Variants in ADARB1 observed in about 807,000 individuals in gnomAD.
The protein encoded by ADARB1 is double-stranded RNA-specific editase 1.
Under a neutral mutation model 52.4 loss-of-function variants are expected in ADARB1, and 10 were observed. The observed-to-expected ratio is 0.19, with a 90% CI of 0.12 to 0.32. The LOEUF (loss-of-function observed/expected upper bound fraction) is 0.32. ADARB1 is among the 10% of genes least tolerant of loss of function. The pLI is 1.00. For missense variants in ADARB1, 643 were observed against 922.3 expected (o/e 0.70, Z 3.92); for synonymous variants, 349 against 371.1 (o/e 0.94, Z 0.68).
intron 2 of ADARB1, among the ~76,000 whole-genome samples, chr21:45,138,297 G>A (rs978601557): frequency 6.6e-6 from 1 of 152,182 alleles, no homozygotes; most frequent in African/African-American, 2.4e-5. Context: ...GTATCATTTA[G>A]GATTGATTCT....
chr21:45,124,334 A>C (rs1187095620), intron 1 of ADARB1, among the ~76,000 whole-genome samples: 1 of 152,022 alleles, frequency 6.6e-6, no homozygotes, highest in Admixed American at 6.6e-5. Context: ...ACTATAATCC[A>C]TCCCTCCCTC....
chr21:45,180,481 T>C, intron 5 of ADARB1, 37 bp downstream of exon 5: 1 of 1,516,810 alleles, frequency 6.6e-7, no homozygotes, highest in Non-Finnish European at 9.1e-7. Context: ...CCTGCCTGTT[T>C]TCATGTCTGA....
intron 2 of ADARB1, chr21:45,144,865 C>G (rs2145914590): frequency 5.2e-6 from 1 of 192,060 alleles, no homozygotes; most frequent in South Asian, 8.4e-5. Context: ...TTTCAAGAAA[C>G]CAAAAATATG....
chr21:45,140,321 C>T (rs779487122), intron 2 of ADARB1, among the ~76,000 whole-genome samples: 10 of 152,214 alleles, frequency 6.6e-5, no homozygotes, highest in Admixed American at 3.3e-4. Context: ...CCTCTTACCC[C>T]GTGCAGATGT....
At chr21:45,130,402 T>G (rs565110515) in intron 2 of ADARB1, among the ~76,000 whole-genome samples, 6 of 152,298 alleles carry the variant, frequency 3.9e-5, no homozygotes, top group African/African-American at 1.2e-4. Context: ...AAAGCAAAAC[T>G]GAAGAGCTGG....
intron 4 of ADARB1, among the ~76,000 whole-genome samples, chr21:45,179,162 C>T (rs2091826865): frequency 6.6e-6 from 1 of 152,208 alleles, no homozygotes; most frequent in Non-Finnish European, 1.5e-5. Flanking sequence ...GTCACAGCCT[C>T]AGTTCCTCGC....
chr21:45,203,190 G>C (rs190929709), intron 8 of ADARB1, among the ~76,000 whole-genome samples: 62 of 152,066 alleles, frequency 4.1e-4, no homozygotes, highest in African/African-American at 1.5e-3. Flanking sequence ...GCTGCTTAGG[G>C]GCCCCTGCCC....
Position 45,083,411 on chromosome 21 carries a change from A to T in ADARB1, c.-220+8618A>T, listed in dbSNP as rs143604777. 1.1e-4 allele frequency among the ~76,000 whole-genome samples: 17 copies of T among 152,334 alleles called. No individual in the cohort carries two copies. In the East Asian group the frequency reaches 3.1e-3, roughly 28 times the overall value. ...TTTTCTATGTAGAATAGAAACATTTATAAAACATTCAAAATTGTTATAAAA... is the reference window on the plus strand; with the variant it reads ...TTTTCTATGTAGAATAGAAACATTTTTAAAACATTCAAAATTGTTATAAAA... On this transcript the variant is annotated intron_variant, in intron 1 of 10. Coordinates refer to ENST00000348831, the MANE Select transcript of ADARB1 (RefSeq NM_001112.4).
rs180955684 is a variant in ADARB1, at chr21:45,164,337, A to G, written c.-47-7273A>G. On this transcript the variant is annotated intron_variant, in intron 2 of 10. Coordinates refer to ENST00000348831, the MANE Select transcript of ADARB1 (RefSeq NM_001112.4). Reference sequence around the variant, plus strand: ...AGTTTGCCCCTGCGTTGGCACAAGTACTGGGGCTGCCAAGGAAAAGGCGGG... The same window carrying G: ...AGTTTGCCCCTGCGTTGGCACAAGTGCTGGGGCTGCCAAGGAAAAGGCGGG... Among the ~76,000 whole-genome samples the G allele has an allele frequency of 7.8e-4, 119 of 152,268 alleles. 1 individual carries two copies. Among genetic ancestry groups the G allele is most frequent in the Admixed American group, 4.1e-3 (63 of 15,304 alleles).
chr21:45,079,214 G>T (rs1476832952), intron 1 of ADARB1, among the ~76,000 whole-genome samples: 3 of 152,168 alleles, frequency 2.0e-5, no homozygotes, highest in Non-Finnish European at 4.4e-5. Flanking sequence ...TTCTTATGCT[G>T]CTAACAAAGG....
chr21:45,217,633 TG>T (rs1213425329), intron 9 of ADARB1, among the ~76,000 whole-genome samples: 1 of 152,210 alleles, frequency 6.6e-6, no homozygotes, highest in African/African-American at 2.4e-5. Flanking sequence ...TATTTATCCA[TG>T]TAGCTATCAT....
chr21:45,221,245 C>T lies in ADARB1; in HGVS notation c.1926+231C>T, dbSNP rs76243649. Among the ~76,000 whole-genome samples the T allele has an allele frequency of 7.2e-4, 110 of 152,304 alleles. No individual in the cohort carries two copies. The East Asian group carries it at 0.021, about 29-fold the overall frequency. ...TCTTTTCCTCCCTGCTGCAGGGTAA[C>T]ACCCACTGCCAGGCCACTGTGTGTG... On this transcript the variant is annotated intron_variant, in intron 10 of 10. Coordinates refer to ENST00000348831, the MANE Select transcript of ADARB1 (RefSeq NM_001112.4). The surrounding 1 kb of genome is among the most constrained non-coding windows in gnomAD (Gnocchi z 4.9).
At chr21:45,196,789 G>T (rs2092434967) in intron 8 of ADARB1, among the ~76,000 whole-genome samples, 1 of 152,226 alleles carries the variant, frequency 6.6e-6, no homozygotes, top group Non-Finnish European at 1.5e-5. Context: ...ACATCTCTTG[G>T]AGTGGCTGAA....
chr21:45,170,599 T>C (rs1015786808), intron 2 of ADARB1, among the ~76,000 whole-genome samples: 1 of 151,678 alleles, frequency 6.6e-6, no homozygotes, highest in South Asian at 2.1e-4. Flanking sequence ...TTTTTAGATA[T>C]ATGATATTTG....
intron 1 of ADARB1, among the ~76,000 whole-genome samples, chr21:45,123,622 A>G (rs1284127191): frequency 6.6e-6 from 1 of 151,380 alleles, no homozygotes; most frequent in Non-Finnish European, 1.5e-5. Flanking sequence ...TGTTTTTGAG[A>G]CAGTGTCTCA....
intron 1 of ADARB1, among the ~76,000 whole-genome samples, chr21:45,083,939 G>T (rs527665467): frequency 6.6e-6 from 1 of 152,326 alleles, no homozygotes; most frequent in East Asian, 1.9e-4. Context: ...GGACTCAAGG[G>T]ATCCAATTGC....
intron 8 of ADARB1, among the ~76,000 whole-genome samples, chr21:45,189,077 A>G (rs2092204968): frequency 6.6e-6 from 1 of 152,184 alleles, no homozygotes; most frequent in Non-Finnish European, 1.5e-5. Context: ...ACCTGCCCCT[A>G]TGATTCGATT....
chr21:45,153,423 T>C (rs1422066893), intron 2 of ADARB1, among the ~76,000 whole-genome samples: 1 of 152,098 alleles, frequency 6.6e-6, no homozygotes, highest in Non-Finnish European at 1.5e-5. Flanking sequence ...GGAGAACAGC[T>C]GAACACAGGC....
intron 1 of ADARB1, among the ~76,000 whole-genome samples, chr21:45,098,579 C>T (rs12482438): frequency 6.6e-6 from 1 of 152,174 alleles, no homozygotes; most frequent in Non-Finnish European, 1.5e-5. Flanking sequence ...TTGAATCATC[C>T]CCACCCTGCC....
Sources: gnomAD v4.1 joint callset for allele counts (sites outside exome capture counted in the v4.1 genomes callset) on GRCh38, gnomAD v4.1.1 for gene constraint, Gnocchi (gnomAD v3.1) non-coding constraint, MANE v1.5 for transcripts, NCBI Gene and HGNC (gene_info 2026-07-23, HGNC 2026-07-21) for gene names.